The following RYR2 variants were observed in gnomAD, a reference collection of about 807,000 sequenced individuals.
RYR2 encodes the protein ryanodine receptor 2.
RYR2 carries 227 observed loss-of-function variants against 601.1 expected under a neutral mutation model. That is an observed-to-expected ratio of 0.38 (90% CI 0.34 to 0.42). The LOEUF (loss-of-function observed/expected upper bound fraction) is 0.42. RYR2 is among the 10% of genes least tolerant of loss of function. The probability of loss-of-function intolerance (pLI) is 1.00; values close to 1 mark genes in which losing one functional copy is unlikely to be tolerated. For missense variants in RYR2, 4,646 were observed against 6,156.5 expected, an observed-to-expected ratio of 0.75 and a Z score of 8.21; for synonymous variants, 2,223 against 2,175.1, an observed-to-expected ratio of 1.02 and a Z score of -0.61.
chr1:237,635,174 T>G (rs1412495168), intron 44 of RYR2, among the ~76,000 whole-genome samples, 182 bp downstream of exon 44: 1 of 152,232 alleles, frequency 6.6e-6, no homozygotes, highest in African/African-American at 2.4e-5. Flanking sequence ...AGAATTAAAG[T>G]ACATTATAAT....
Position 237,702,073 on chromosome 1 carries a change from A to T in RYR2, c.9449+14A>T. 6.9e-7 allele frequency: 1 copy of T among 1,457,934 alleles called. No individual in the cohort carries two copies. The highest frequency in any genetic ancestry group is 9.6e-7 in the Non-Finnish European group (1 of 1,040,386). 90.3% of individuals were successfully genotyped at this position (1,457,934 alleles called of 1,614,324 possible). A position where few individuals can be genotyped will look rare whatever the true frequency, so the allele number is the denominator to read the frequency against. ...TTACGTGGAGAGGTAAGAATGTTTAAAGTTTAACTTTGTATTAATTGCTGC... is the reference window on the plus strand; with the variant it reads ...TTACGTGGAGAGGTAAGAATGTTTATAGTTTAACTTTGTATTAATTGCTGC... On this transcript the variant is annotated intron_variant, in intron 66 of 104. Transcript: ENST00000366574.
intron 16 of RYR2, among the ~76,000 whole-genome samples, chr1:237,463,808 G>A (rs543058657): frequency 1.3e-5 from 2 of 152,228 alleles, no homozygotes; most frequent in African/African-American, 2.4e-5. Context: ...ATTGCACTTC[G>A]AAGATGACAG....
rs777655040 is a variant in RYR2, at chr1:237,450,940, A to G, written c.1293-3451A>G. Among the ~76,000 whole-genome samples the G allele has an allele frequency of 1.6e-4, 25 of 152,180 alleles. No homozygotes were observed. The South Asian group carries it at 3.7e-3, about 23-fold the overall frequency. On this transcript the variant is annotated intron_variant, in intron 14 of 104. Coordinates refer to ENST00000366574, the MANE Select transcript of RYR2 (RefSeq NM_001035.3). ...CGTTTATTCTCCTTGTTTCTTTTCT[A>G]TATTTATCCTTTAGTTGTATTATTT...
chr1:237,100,095 A>G (rs76946181), intron 1 of RYR2, among the ~76,000 whole-genome samples: 3,730 of 152,114 alleles, frequency 0.025, 100 homozygotes, highest in East Asian at 0.13. Context: ...GTTAGCTTCT[A>G]TTTTTCTTAG....
At chr1:237,602,850 T>A (rs773972402) in intron 35 of RYR2, among the ~76,000 whole-genome samples, 21 of 152,018 alleles carry the variant, frequency 1.4e-4, no homozygotes, top group Non-Finnish European at 3.1e-4. Flanking sequence ...TTTGGAAAAA[T>A]ATGTTGTTAT....
Position 237,140,636 on chromosome 1 carries a change from C to T in RYR2, c.48+98067C>T, listed in dbSNP as rs115979568. Among the ~76,000 whole-genome samples, 570 of 152,296 alleles carry T rather than the reference C, an allele frequency of 3.7e-3. 2 individuals carry two copies. Among genetic ancestry groups the T allele is most frequent in the African/African-American group, 0.012 (513 of 41,544 alleles). ...TGTGTAAATAGAGTGAAATCAGGCACTCCTAGTTGGTGGAGTTTGTTGATA... is the reference window on the plus strand; with the variant it reads ...TGTGTAAATAGAGTGAAATCAGGCATTCCTAGTTGGTGGAGTTTGTTGATA... On this transcript the variant is annotated intron_variant, in intron 1 of 104. Transcript: ENST00000366574.
At chr1:237,398,141 G>T (rs947332654) in intron 10 of RYR2, among the ~76,000 whole-genome samples, 1 of 152,150 alleles carries the variant, frequency 6.6e-6, no homozygotes, top group Non-Finnish European at 1.5e-5. Flanking sequence ...ATAATGAAAT[G>T]TGTCTAACCT....
Position 237,680,567 on chromosome 1 carries a change from A to G in RYR2, c.9007A>G (p.Met3003Val). The change falls in exon 62 of 105, where the codon ATG (methionine) becomes GTG (valine). Residue 3003 changes from methionine to valine, a missense_variant. Transcript: ENST00000366574. The part of the protein sequence containing the change: ...GGHASNKEKE[M>V]VTSLFCKLGV... ...ACATGCTTCCAACAAAGAGAAAGAA[A>G]TGGTGACTAGGTAAACAGCTATAAA... 6.2e-7 allele frequency: 1 copy of G among 1,602,574 alleles called. No homozygotes were observed. The highest frequency in any genetic ancestry group is 8.5e-7 in the Non-Finnish European group (1 of 1,173,848).
At chr1:237,124,829 C>T (rs1205080226) in intron 1 of RYR2, among the ~76,000 whole-genome samples, 3 of 152,216 alleles carry the variant, frequency 2.0e-5, no homozygotes, top group Non-Finnish European at 4.4e-5. Flanking sequence ...CCCATCTCCC[C>T]ACCTTTTCCC....
At chr1:237,394,938 A>G (rs1702690368) in intron 10 of RYR2, among the ~76,000 whole-genome samples, 1 of 152,202 alleles carries the variant, frequency 6.6e-6, no homozygotes, top group African/African-American at 2.4e-5. Context: ...GGCATGTTTT[A>G]CGTGGCTGGA....
chr1:237,749,632 G>C (rs1181625185), intron 80 of RYR2, among the ~76,000 whole-genome samples: 1 of 152,014 alleles, frequency 6.6e-6, no homozygotes, highest in Admixed American at 6.6e-5. Flanking sequence ...TTTTCAACTA[G>C]ATGTTCTCAG....
intron 1 of RYR2, among the ~76,000 whole-genome samples, chr1:237,155,750 A>G (rs1489170003): frequency 6.6e-6 from 1 of 152,116 alleles, no homozygotes; most frequent in Non-Finnish European, 1.5e-5. Flanking sequence ...AATGGCTAGG[A>G]TTGTTACTGA....
intron 12 of RYR2, among the ~76,000 whole-genome samples, chr1:237,428,712 C>T (rs912195304): frequency 6.7e-6 from 1 of 148,984 alleles, no homozygotes; most frequent in African/African-American, 2.5e-5. Flanking sequence ...CACACTTATA[C>T]CTATGTAACA....
chr1:237,159,671 AACTACTACTAGTAGT>A (rs1675795071), intron 1 of RYR2, among the ~76,000 whole-genome samples: 3 of 152,188 alleles, frequency 2.0e-5, no homozygotes, highest in Non-Finnish European at 4.4e-5. Flanking sequence ...CCTGTACCAC[AACTACTACTAGTAGT>A]ACTACTACTA....
intron 80 of RYR2, among the ~76,000 whole-genome samples, chr1:237,753,638 T>C (rs2149253730): frequency 6.7e-6 from 1 of 148,962 alleles, no homozygotes; most frequent in East Asian, 1.9e-4. Context: ...GGAGCTGCTC[T>C]TTTTTTCCTC....
intron 73 of RYR2, among the ~76,000 whole-genome samples, chr1:237,719,915 A>G (rs1689577467): frequency 6.6e-6 from 1 of 152,232 alleles, no homozygotes; most frequent in Admixed American, 6.5e-5. Context: ...GATCCACACT[A>G]TATCAATAGG....
At chr1:237,584,356 T>C (rs775144697) in intron 29 of RYR2, among the ~76,000 whole-genome samples, 6 of 152,210 alleles carry the variant, frequency 3.9e-5, no homozygotes, top group Non-Finnish European at 8.8e-5. Flanking sequence ...CATCTTAATA[T>C]CATTTATCAT....
At chr1:237,686,684 CGTT>C (rs1686423504) in intron 62 of RYR2, among the ~76,000 whole-genome samples, 2 of 152,070 alleles carry the variant, frequency 1.3e-5, no homozygotes, top group African/African-American at 4.8e-5. Context: ...TGGATACCAG[CGTT>C]GTCAGGCTGA....
intron 25 of RYR2, 130 bp from the exon 26 acceptor site, chr1:237,548,301 G>T: frequency 1.2e-6 from 1 of 831,824 alleles, no homozygotes; most frequent in South Asian, 1.9e-5. Context: ...CTTGCTGTCT[G>T]GTACTTCACC....
Sources: allele counts gnomAD v4.1 joint callset (sites outside exome capture counted in the v4.1 genomes callset), GRCh38; gene constraint gnomAD v4.1.1; transcripts MANE v1.5; gene names NCBI Gene and HGNC (gene_info 2026-07-23, HGNC 2026-07-21).